The following TBC1D22A variants were observed in gnomAD, a reference collection of about 807,000 sequenced individuals.
TBC1D22A encodes the protein TBC1 domain family member 22A, also known as putative GTPase activator.
Under a neutral mutation model 60.2 loss-of-function variants are expected in TBC1D22A, and 38 were observed. The ratio of observed to expected loss-of-function variants is 0.63; its 90% CI spans 0.49 to 0.83. The LOEUF is 0.83. Among genes scored for constraint, TBC1D22A ranks in the 40% least tolerant of loss-of-function variants. The pLI, the probability that TBC1D22A is intolerant of heterozygous loss-of-function variation, is 0.00. For synonymous variants in TBC1D22A, 302 were observed against 281.7 expected, an observed-to-expected ratio of 1.07 and a Z score of -0.72; for missense variants, 628 against 701.0, an observed-to-expected ratio of 0.90 and a Z score of 1.18.
chr22:46,781,404 G>A (rs1219546241), intron 1 of TBC1D22A, among the ~76,000 whole-genome samples: 1 of 152,146 alleles, frequency 6.6e-6, no homozygotes, highest in Non-Finnish European at 1.5e-5. Flanking sequence ...TTGAACTCCT[G>A]GACTCAAACG....
intron 10 of TBC1D22A, among the ~76,000 whole-genome samples, chr22:47,035,908 C>T (rs1246845744): frequency 1.3e-5 from 2 of 152,226 alleles, no homozygotes; most frequent in African/African-American, 4.8e-5. Flanking sequence ...CCCTGCTTCT[C>T]GCTTGTTGCT....
chr22:46,904,876 G>A (rs1051139959), intron 7 of TBC1D22A, among the ~76,000 whole-genome samples: 7 of 151,258 alleles, frequency 4.6e-5, no homozygotes, highest in Non-Finnish European at 7.4e-5. Flanking sequence ...CCGGGTTCGC[G>A]CCATTCTTCT....
In TBC1D22A at chr22:47,076,644, T is replaced by C. The variant is rs558269953; in HGVS notation, c.1330-34864T>C. Among the ~76,000 whole-genome samples the C allele has an allele frequency of 2.6e-5, 4 of 152,154 alleles. No homozygotes were observed. The East Asian group carries it at 7.7e-4, about 29-fold the overall frequency. On this transcript the variant is annotated intron_variant, in intron 11 of 12. Transcript: ENST00000337137. Reference sequence around the variant, plus strand: ...TATCTCCTGCATTTCCTTCCACTTGTTCTCCCTCCCATTTTTCTTGTTTGT... The same window carrying C: ...TATCTCCTGCATTTCCTTCCACTTGCTCTCCCTCCCATTTTTCTTGTTTGT...
At chr22:46,804,948 A>G (rs2085063546) in intron 4 of TBC1D22A, among the ~76,000 whole-genome samples, 1 of 152,204 alleles carries the variant, frequency 6.6e-6, no homozygotes, top group African/African-American at 2.4e-5. Flanking sequence ...GACTTGAGCA[A>G]TTGTGCGACT....
intron 10 of TBC1D22A, among the ~76,000 whole-genome samples, chr22:47,000,124 A>G (rs964265162): frequency 1.3e-5 from 2 of 152,200 alleles, no homozygotes; most frequent in African/African-American, 4.8e-5. Flanking sequence ...AAACATCTTC[A>G]TGGACTCGTT....
chr22:46,996,360 C>T (rs1471997130), intron 9 of TBC1D22A, among the ~76,000 whole-genome samples: 1 of 152,262 alleles, frequency 6.6e-6, no homozygotes, highest in Non-Finnish European at 1.5e-5. Flanking sequence ...GCTGGCCGGG[C>T]CAGAGGCCCT....
intron 11 of TBC1D22A, among the ~76,000 whole-genome samples, chr22:47,046,031 G>A (rs935851536): frequency 2.0e-5 from 3 of 152,198 alleles, no homozygotes; most frequent in Non-Finnish European, 4.4e-5. Flanking sequence ...GTTCCCGGCT[G>A]TGGGCCCTGG....
chr22:47,006,113 T>G (rs2061584186), intron 10 of TBC1D22A, among the ~76,000 whole-genome samples: 1 of 152,204 alleles, frequency 6.6e-6, no homozygotes, highest in African/African-American at 2.4e-5. Flanking sequence ...TCACTGTGTT[T>G]GAGGCTATTT....
rs556923563 is a variant in TBC1D22A, at chr22:46,879,099, G to A, written c.708+376G>A. 1.6e-3 allele frequency among the ~76,000 whole-genome samples: 247 copies of A among 150,106 alleles called. 3 individuals are homozygous for A. The highest frequency in any genetic ancestry group is 0.01 in the Middle Eastern group (3 of 294). ...TTGTTTCAAATATGCTGAAAACAAG[G>A]ACATATGTTTGACCAAGTTTTTTTT... On this transcript the variant is annotated intron_variant, in intron 5 of 12. Coordinates refer to ENST00000337137, the MANE Select transcript of TBC1D22A (RefSeq NM_014346.5).
intron 11 of TBC1D22A, among the ~76,000 whole-genome samples, chr22:47,053,962 T>C (rs550804878): frequency 2.0e-5 from 3 of 152,298 alleles, no homozygotes; most frequent in Admixed American, 2.0e-4. Flanking sequence ...ACTTCTCTGT[T>C]GTACAGAGGA....
In TBC1D22A at chr22:47,117,881, G is replaced by A. The variant is rs56990410; in HGVS notation, c.1425+6278G>A. Among the ~76,000 whole-genome samples, 334 of 152,336 alleles carry A rather than the reference G, an allele frequency of 2.2e-3. 2 individuals are homozygous for A. Among genetic ancestry groups the A allele is most frequent in the African/African-American group, 7.9e-3 (328 of 41,578 alleles). ...CTCTTGCCTGTAATCCCAGCACTTTGGGAGGCAGAGGCGGGCGGATCACCT... is the reference window on the plus strand; with the variant it reads ...CTCTTGCCTGTAATCCCAGCACTTTAGGAGGCAGAGGCGGGCGGATCACCT... On this transcript the variant is annotated intron_variant, in intron 12 of 12. Transcript: ENST00000337137.
intron 11 of TBC1D22A, among the ~76,000 whole-genome samples, chr22:47,037,861 A>G (rs1358776591): frequency 6.6e-6 from 1 of 152,202 alleles, no homozygotes; most frequent in Non-Finnish European, 1.5e-5. Context: ...CTTCTGCCAA[A>G]AAACTCACGC....
intron 1 of TBC1D22A, among the ~76,000 whole-genome samples, chr22:46,776,017 C>T (rs894785668): frequency 1.3e-5 from 2 of 152,326 alleles, no homozygotes; most frequent in African/African-American, 2.4e-5. Context: ...CGAGGGACTT[C>T]GTTTGCTGAG....
chr22:47,070,932 C>A (rs1207097354), intron 11 of TBC1D22A, among the ~76,000 whole-genome samples: 2 of 152,244 alleles, frequency 1.3e-5, no homozygotes, highest in Non-Finnish European at 2.9e-5. Flanking sequence ...CGGAGCTGAC[C>A]TGACGGTCCC....
chr22:46,898,411 G>A (rs762648), intron 7 of TBC1D22A, among the ~76,000 whole-genome samples: 105,036 of 151,690 alleles, frequency 0.69, 36,783 homozygotes, highest in Middle Eastern at 0.86. Context: ...CTTTCTCCCG[G>A]GATGATTTTC....
At chr22:46,904,154 C>T (rs76795693) in intron 7 of TBC1D22A, among the ~76,000 whole-genome samples, 13,733 of 106,160 alleles carry the variant, frequency 0.13, 908 homozygotes, top group East Asian at 0.3. Flanking sequence ...TACCTACCTA[C>T]CTACCTACCT....
chr22:46,845,256 AGACGTAAG>A (rs1458846501), intron 4 of TBC1D22A, among the ~76,000 whole-genome samples: 3 of 152,238 alleles, frequency 2.0e-5, no homozygotes, highest in Admixed American at 6.5e-5. Context: ...TCTGTGCTTG[AGACGTAAG>A]GACGTCTGTG....
chr22:47,009,183 C>T lies in TBC1D22A; in HGVS notation c.1201+11474C>T, dbSNP rs774930812. 6.6e-6 allele frequency among the ~76,000 whole-genome samples: 1 copy of T among 152,140 alleles called. No homozygotes were observed. Among genetic ancestry groups the T allele is most frequent in the African/African-American group, 2.4e-5 (1 of 41,414 alleles). On this transcript the variant is annotated intron_variant, in intron 10 of 12. Coordinates refer to ENST00000337137, the MANE Select transcript of TBC1D22A (RefSeq NM_014346.5). This position sits in a 1 kb window ranked among gnomAD's most constrained non-coding sequence, Gnocchi z 5.8. ...ACGGGTCATGGGAGTAAAGTACTTA[C>T]AGGAGTGCCTGGCACACTTAAGTCT...
intron 7 of TBC1D22A, among the ~76,000 whole-genome samples, chr22:46,908,221 C>T (rs1221788926): frequency 6.6e-6 from 1 of 152,168 alleles, no homozygotes; most frequent in Non-Finnish European, 1.5e-5. Flanking sequence ...TGATGGTGGT[C>T]AGGCTTGTGG....
Sources: gnomAD v4.1 joint callset for allele counts (sites outside exome capture counted in the v4.1 genomes callset) on GRCh38, gnomAD v4.1.1 for gene constraint, Gnocchi (gnomAD v3.1) non-coding constraint, MANE v1.5 for transcripts, NCBI Gene and HGNC (gene_info 2026-07-23, HGNC 2026-07-21) for gene names.